Variants in CHRM2 observed in about 807,000 individuals in gnomAD.
CHRM2 encodes the protein muscarinic acetylcholine receptor M2.
In CHRM2, 8 loss-of-function variants were observed where a neutral mutation model predicts 25.0. That is an observed-to-expected ratio of 0.32 (90% CI 0.19 to 0.58). The LOEUF is 0.58. Among genes scored for constraint, CHRM2 ranks in the 20% least tolerant of loss-of-function variants. The pLI, the probability that CHRM2 is intolerant of heterozygous loss-of-function variation, is 0.88. For synonymous variants in CHRM2, 202 were observed against 205.7 expected, an observed-to-expected ratio of 0.98 and a Z score of 0.15; for missense variants, 440 against 567.1, an observed-to-expected ratio of 0.78 and a Z score of 2.28.
intron 2 of CHRM2, among the ~76,000 whole-genome samples, chr7:136,946,686 A>AAAGAATAATAAAAG (rs1800093433): frequency 6.6e-6 from 1 of 152,194 alleles, no homozygotes; most frequent in Non-Finnish European, 1.5e-5. Flanking sequence ...AACTTCCTAC[A>AAAGAATAATAAAAG]AGTAGAATAA....
chr7:136,979,851 T>C (rs778528372), intron 2 of CHRM2, among the ~76,000 whole-genome samples: 28 of 152,316 alleles, frequency 1.8e-4, no homozygotes, highest in Admixed American at 3.3e-4. Context: ...ACTGTGGCCT[T>C]GTAGTATAGT....
In CHRM2 at chr7:137,014,931, A is replaced by C; in HGVS notation, c.66A>C (p.Glu22Asp). 1 of 1,613,252 alleles carries C rather than the reference A, an allele frequency of 6.2e-7. No homozygotes were observed. The highest frequency in any genetic ancestry group is 8.5e-7 in the Non-Finnish European group (1 of 1,179,544). The change falls in exon 4 of 4, where the codon GAA (glutamate) becomes GAC (aspartate). Residue 22 changes from glutamate (E) to aspartate (D), a missense_variant. Glu to Asp is a conservative substitution (Grantham distance 45). This residue lies in a region of CHRM2 where 86 missense variants were observed against 124.9 expected (regional missense o/e 0.69). Coordinates refer to ENST00000680005, the MANE Select transcript of CHRM2 (RefSeq NM_001006630.2). Reference protein sequence around the residue: ...LALTSPYKTFEVVFIVLVAGS... With the variant: ...LALTSPYKTFDVVFIVLVAGS... Reference sequence around the variant, plus strand: ...TTACAAGTCCTTATAAGACATTTGAAGTGGTGTTTATTGTCCTGGTGGCTG... The same window carrying C: ...TTACAAGTCCTTATAAGACATTTGACGTGGTGTTTATTGTCCTGGTGGCTG...
chr7:136,996,325 A>G (rs1803602414), intron 3 of CHRM2, among the ~76,000 whole-genome samples: 1 of 152,112 alleles, frequency 6.6e-6, no homozygotes, highest in African/African-American at 2.4e-5. Flanking sequence ...TAAAAAGACA[A>G]AGGGTACATT....
intron 2 of CHRM2, among the ~76,000 whole-genome samples, chr7:136,944,411 C>T (rs558139265): frequency 8.6e-5 from 13 of 151,968 alleles, no homozygotes; most frequent in African/African-American, 2.9e-4. Flanking sequence ...GCTGCAAATG[C>T]CATTATTTTG....
chr7:136,956,397 A>G (rs1800725857), intron 2 of CHRM2, among the ~76,000 whole-genome samples: 1 of 152,180 alleles, frequency 6.6e-6, no homozygotes, highest in Admixed American at 6.5e-5. Flanking sequence ...TTAAGGGGAA[A>G]TGTCAACTCT....
chr7:136,920,718 T>C (rs1260812977), intron 2 of CHRM2, among the ~76,000 whole-genome samples: 1 of 152,154 alleles, frequency 6.6e-6, no homozygotes, highest in Non-Finnish European at 1.5e-5. Flanking sequence ...ATTCCTATCA[T>C]TGTTTCTCAA....
chr7:136,922,467 G>T (rs961446344), intron 2 of CHRM2, among the ~76,000 whole-genome samples: 1 of 152,132 alleles, frequency 6.6e-6, no homozygotes, highest in Admixed American at 6.6e-5. Context: ...AAAAGCCAAA[G>T]CTCCTTTATA....
At chr7:136,904,265 A>G (rs1797406460) in intron 2 of CHRM2, among the ~76,000 whole-genome samples, 2 of 151,790 alleles carry the variant, frequency 1.3e-5, no homozygotes, top group African/African-American at 4.8e-5. Context: ...TTCCTGGAAA[A>G]CTTCTGGTAA....
chr7:136,994,061 G>A (rs1254576223), intron 3 of CHRM2, among the ~76,000 whole-genome samples: 2 of 152,270 alleles, frequency 1.3e-5, no homozygotes, highest in South Asian at 2.1e-4. Context: ...AACTGTGAAA[G>A]GTGAAATCAA....
At chr7:136,907,265 G>A (rs1325048598) in intron 2 of CHRM2, among the ~76,000 whole-genome samples, 1 of 151,868 alleles carries the variant, frequency 6.6e-6, no homozygotes, top group African/African-American at 2.4e-5. Flanking sequence ...TGCTTTAGAT[G>A]ACTACAAAAA....
Position 136,903,184 on chromosome 7 carries a change from T to G in CHRM2, c.-125+33766T>G, listed in dbSNP as rs768948161. On this transcript the variant is annotated intron_variant, in intron 2 of 3. Coordinates refer to ENST00000680005, the MANE Select transcript of CHRM2 (RefSeq NM_001006630.2). ...TCACTTTATGGAGGCCTTGCTGGTT[T>G]GGAAAGTTCATTGTTCGACACCATG... is the stretch of plus-strand genomic sequence containing the variant. 1.5e-5 allele frequency: 8 copies of G among 534,176 alleles called. No individual in the cohort carries two copies. In the African/African-American group the frequency reaches 1.5e-4, roughly 10 times the overall value. The allele number at this position is 534,176 out of a possible 1,614,324, so 33.1% of individuals were successfully genotyped here. A position where few individuals can be genotyped will look rare whatever the true frequency, so the allele number is the denominator to read the frequency against.
intron 2 of CHRM2, 79 bp from the exon 3 acceptor site, chr7:136,992,108 A>G (rs1279613840): frequency 6.6e-6 from 1 of 152,144 alleles, no homozygotes; most frequent in African/African-American, 2.4e-5. Flanking sequence ...CCTTGTAAAG[A>G]CTAATATACT....
At position 136,868,745 on chromosome 7, in the gene CHRM2, GGCA is replaced by G. The variant is rs1795694178; in HGVS notation, c.-529_-527del. On this transcript the variant is annotated 5_prime_UTR_variant, in exon 1 of 4. Coordinates refer to ENST00000680005, the MANE Select transcript of CHRM2 (RefSeq NM_001006630.2). ...CGCAAAGACCTAGGGAGCGCGCGCG[GGCA>G]CACACACACACACACACACACACAC... 9.4e-6 allele frequency: 1 copy of G among 106,510 alleles called. No individual in the cohort carries two copies. The highest frequency in any genetic ancestry group is 1.0e-4 in the Admixed American group (1 of 9,528). 6.6% of individuals were successfully genotyped at this position (106,510 alleles called of 1,614,324 possible). A position where few individuals can be genotyped will look rare whatever the true frequency, so the allele number is the denominator to read the frequency against.
intron 2 of CHRM2, among the ~76,000 whole-genome samples, chr7:136,890,853 G>A (rs975652904): frequency 1.3e-5 from 2 of 152,080 alleles, no homozygotes; most frequent in African/African-American, 2.4e-5. Flanking sequence ...GTGTGGATAT[G>A]TGTATGTGTA....
intron 2 of CHRM2, among the ~76,000 whole-genome samples, chr7:136,878,283 CT>C (rs990168356): frequency 2.6e-5 from 4 of 151,878 alleles, no homozygotes; most frequent in African/African-American, 7.2e-5. Flanking sequence ...CTCAAAATTA[CT>C]TTTCTATGAG....
chr7:137,018,567 G>A lies in CHRM2; in HGVS notation c.*2301G>A, dbSNP rs1038996011. ...TTATTATTATGTAGATTTGGCTTCA[G>A]TTGGGAAGAACCCTTTGGCATCCAG... is the stretch of plus-strand genomic sequence containing the variant. On this transcript the variant is annotated 3_prime_UTR_variant, in exon 4 of 4. Transcript: ENST00000680005. 4.6e-5 allele frequency: 7 copies of A among 152,006 alleles called. No homozygotes were observed. The highest frequency in any genetic ancestry group is 3.9e-4 in the East Asian group (2 of 5,136). The allele number at this position is 152,006 out of a possible 1,614,324, so 9.4% of individuals were successfully genotyped here. A position where few individuals can be genotyped will look rare whatever the true frequency, so the allele number is the denominator to read the frequency against.
chr7:136,990,260 C>T (rs1193555248), intron 2 of CHRM2, among the ~76,000 whole-genome samples: 2 of 152,184 alleles, frequency 1.3e-5, no homozygotes, highest in East Asian at 1.9e-4. Context: ...GGGGTTCACT[C>T]TTGGTGTTGT....
intron 3 of CHRM2, among the ~76,000 whole-genome samples, chr7:136,999,472 G>A (rs1026448778): frequency 3.3e-5 from 5 of 151,542 alleles, no homozygotes; most frequent in South Asian, 2.1e-4. Context: ...ATATATACAC[G>A]TGCCATGTTG....
chr7:136,972,068 T>G (rs921549334), intron 2 of CHRM2, among the ~76,000 whole-genome samples: 3 of 152,138 alleles, frequency 2.0e-5, no homozygotes, highest in African/African-American at 4.8e-5. Flanking sequence ...TATTTGGACA[T>G]TACGTATACT....
Sources: gnomAD v4.1 joint callset for allele counts (sites outside exome capture counted in the v4.1 genomes callset) on GRCh38, gnomAD v4.1.1 for gene constraint, gnomAD v4.1.1 regional missense constraint, MANE v1.5 for transcripts, NCBI Gene and HGNC (gene_info 2026-07-23, HGNC 2026-07-21) for gene names.